Variants in PTPRS observed in about 807,000 individuals in gnomAD.
The protein encoded by PTPRS is receptor-type tyrosine-protein phosphatase S.
In PTPRS, 63 loss-of-function variants were observed where a neutral mutation model predicts 215.3. The observed-to-expected ratio is 0.29, with a 90% CI of 0.24 to 0.36. The LOEUF is 0.36. PTPRS is among the 10% of genes least tolerant of loss of function. The probability of loss-of-function intolerance (pLI) is 1.00; values close to 1 mark genes in which losing one functional copy is unlikely to be tolerated. For synonymous variants in PTPRS, 1,404 were observed against 1,191.4 expected (o/e 1.18, Z -3.68); for missense variants, 2,258 against 2,825.8 (o/e 0.80, Z 4.56).
Position 5,231,456 on chromosome 19 carries a change from T to A in PTPRS, c.2009A>T (p.Glu670Val). 1 of 1,612,688 alleles carries A rather than the reference T, an allele frequency of 6.2e-7. No homozygotes were observed. The highest frequency in any genetic ancestry group is 8.5e-7 in the Non-Finnish European group (1 of 1,179,820). The change falls in exon 14 of 38, where the codon GAG (glutamate) becomes GTG (valine). Residue 670 changes from glutamate (E) to valine (V), a missense_variant. Around this residue, in one of 6 missense-constraint regions of PTPRS, gnomAD observed 371 missense variants for 446.7 expected, o/e 0.83. Coordinates refer to ENST00000262963, the MANE Select transcript of PTPRS (RefSeq NM_002850.4). Reference protein sequence around the residue: ...PLGSEDPEPKEVNGIPPTTTQ... With the variant: ...PLGSEDPEPKVVNGIPPTTTQ... ...GGTGGTCGGGGGGATGCCGTTCACC[T>A]CCTTGGGTTCCGGGTCCTCTGAGCC...
chr19:5,209,443 C>T (rs1263053018), intron 35 of PTPRS, among the ~76,000 whole-genome samples: 1 of 152,158 alleles, frequency 6.6e-6, no homozygotes, highest in African/African-American at 2.4e-5. Flanking sequence ...TGGTGCCATC[C>T]AAAATTGTTA....
intron 1 of PTPRS, among the ~76,000 whole-genome samples, chr19:5,333,170 T>C (rs2050382144): frequency 6.8e-6 from 1 of 146,570 alleles, no homozygotes; most frequent in South Asian, 2.2e-4. Flanking sequence ...AAATAAAAAA[T>C]AAATAAAAAA....
At chr19:5,231,845 G>T (rs1163581464) in intron 13 of PTPRS, among the ~76,000 whole-genome samples, 2 of 152,212 alleles carry the variant, frequency 1.3e-5, no homozygotes, top group African/African-American at 2.4e-5. Context: ...GGCTGGCCAA[G>T]AACCCTGTGC....
At chr19:5,263,226 C>G (rs1464658210) in intron 5 of PTPRS, among the ~76,000 whole-genome samples, 2 of 152,080 alleles carry the variant, frequency 1.3e-5, no homozygotes, top group South Asian at 4.1e-4. Flanking sequence ...GAAACTGAGG[C>G]CACCGCTCCC....
intron 13 of PTPRS, among the ~76,000 whole-genome samples, chr19:5,233,134 C>T (rs192538356): frequency 4.5e-4 from 67 of 149,384 alleles, no homozygotes; most frequent in Non-Finnish European, 3.1e-4. Context: ...GCACCTACTA[C>T]GTGTCAAGCA....
intron 13 of PTPRS, among the ~76,000 whole-genome samples, chr19:5,235,192 G>T (rs531076832): frequency 1.3e-5 from 2 of 152,008 alleles, no homozygotes; most frequent in Admixed American, 1.3e-4. Flanking sequence ...CGCCCACCTC[G>T]GCCTCCCAAA....
In PTPRS at chr19:5,205,663, T is replaced by G. The variant is rs748114924; in HGVS notation, c.*1111A>C. 1.3e-5 allele frequency among the ~76,000 whole-genome samples: 2 copies of G among 151,990 alleles called. No homozygotes were observed. The highest frequency in any genetic ancestry group is 6.6e-5 in the Admixed American group (1 of 15,266). ...AACTCGCTTGCTCAGGGTAGGCGGG[T>G]AGAGGGGGGCCTGTCCTTCTGGTTT... On this transcript the variant is annotated 3_prime_UTR_variant, in exon 38 of 38. Coordinates refer to ENST00000262963, the MANE Select transcript of PTPRS (RefSeq NM_002850.4).
chr19:5,330,163 C>T (rs758739189), intron 1 of PTPRS, among the ~76,000 whole-genome samples: 1 of 152,112 alleles, frequency 6.6e-6, no homozygotes, highest in Non-Finnish European at 1.5e-5. Flanking sequence ...TGATCGTGGG[C>T]CCCCGAGTGA....
At chr19:5,208,160 C>A (rs2040541090) in intron 36 of PTPRS, 77 bp downstream of exon 36, 1 of 1,564,646 alleles carries the variant, frequency 6.4e-7, no homozygotes. Context: ...GATGGGACAG[C>A]CTAAGCTTGG....
At chr19:5,251,451 C>T (rs2045062655) in intron 9 of PTPRS, among the ~76,000 whole-genome samples, 1 of 149,184 alleles carries the variant, frequency 6.7e-6, no homozygotes, top group South Asian at 2.1e-4. Context: ...TTTTTGGTAC[C>T]CGCTCTCTCT....
At chr19:5,229,797 T>C in intron 14 of PTPRS, 113 bp from the exon 15 acceptor site, 1 of 617,342 alleles carries the variant, frequency 1.6e-6, no homozygotes, top group Non-Finnish European at 2.3e-6. Flanking sequence ...TGCCGGTGAA[T>C]AACTGGGCGC....
rs2046945588 is a variant in PTPRS at position 5,271,926 on chromosome 19, T to C, written c.379+1516A>G. Among the ~76,000 whole-genome samples, 3 of 151,894 alleles carry C rather than the reference T, an allele frequency of 2.0e-5. 1 individual carries two copies. Among genetic ancestry groups the C allele is most frequent in the South Asian group, 4.2e-4 (2 of 4,818 alleles). ...TTTTAGTAGAGACGGGCTTTTACCA[T>C]GTTGGCCAGGCTGGTCTTGAACTCC... On this transcript the variant is annotated intron_variant, in intron 4 of 37. Transcript: ENST00000262963.
intron 33 of PTPRS, 80 bp downstream of exon 33, chr19:5,211,508 GTC>G (rs759140443): frequency 1.4e-6 from 2 of 1,417,398 alleles, no homozygotes; most frequent in East Asian, 2.4e-5. Context: ...CCCCAGCTCT[GTC>G]TCCCACAAGA....
At chr19:5,326,874 T>G (rs2050183537) in intron 1 of PTPRS, among the ~76,000 whole-genome samples, 2 of 150,414 alleles carry the variant, frequency 1.3e-5, no homozygotes, top group Admixed American at 6.6e-5. Flanking sequence ...AAAGAAGGAA[T>G]GAAGCAAGCA....
chr19:5,289,497 C>T (rs1410299594), intron 1 of PTPRS, among the ~76,000 whole-genome samples: 1 of 152,186 alleles, frequency 6.6e-6, no homozygotes, highest in Non-Finnish European at 1.5e-5. Context: ...ATGGCTCCCA[C>T]CTGCCTCGGG....
chr19:5,274,541 C>G (rs1390895261), intron 2 of PTPRS, among the ~76,000 whole-genome samples, 197 bp from the exon 3 acceptor site: 2 of 152,236 alleles, frequency 1.3e-5, no homozygotes, highest in African/African-American at 4.8e-5. Context: ...CATGGGCACC[C>G]AGGTGCCCAC....
rs1390669494 is a variant in PTPRS at position 5,273,468 on chromosome 19, A to G, written c.353T>C (p.Val118Ala). 6.2e-7 allele frequency: 1 copy of G among 1,614,180 alleles called. No homozygotes were observed. The highest frequency in any genetic ancestry group is 8.5e-7 in the Non-Finnish European group (1 of 1,180,036). ...VAQNSVGEIT[V>A]HAKLTVLRED... is the part of the protein sequence containing the mutation. ...TCGGAGGACAGTAAGCTTGGCATGGACTGTGATCTCCCCAACCGAGTTCTG... is the reference window on the plus strand; with the variant it reads ...TCGGAGGACAGTAAGCTTGGCATGGGCTGTGATCTCCCCAACCGAGTTCTG... Residue 118 changes from valine to alanine, a missense_variant, in exon 4 of 38, where the codon GTC (valine) becomes GCC (alanine). Around this residue, in one of 6 missense-constraint regions of PTPRS, gnomAD observed 508 missense variants for 799.4 expected, o/e 0.64. Transcript: ENST00000262963.
rs544996943 is a variant in PTPRS at position 5,254,502 on chromosome 19, G to A, written c.718+1606C>T. On this transcript the variant is annotated intron_variant, in intron 9 of 37. Transcript: ENST00000262963. ...GGAGGGGAGCAGAAGATGGGGGTGT[G>A]CATCTCTGAAGATTTGCAAGAGTGA... is the stretch of plus-strand genomic sequence containing the variant. Among the ~76,000 whole-genome samples the A allele has an allele frequency of 2.0e-5, 3 of 152,240 alleles. No individual in the cohort carries two copies. In the South Asian group the frequency reaches 6.2e-4, roughly 32 times the overall value.
chr19:5,291,094 G>C (rs1004885755), intron 1 of PTPRS, among the ~76,000 whole-genome samples: 1 of 152,048 alleles, frequency 6.6e-6, no homozygotes. Context: ...GAAGTCCGGG[G>C]ACCTGGCTTT....
Sources: gnomAD v4.1 joint callset for allele counts (sites outside exome capture counted in the v4.1 genomes callset) on GRCh38, gnomAD v4.1.1 for gene constraint, gnomAD v4.1.1 regional missense constraint, MANE v1.5 for transcripts, NCBI Gene and HGNC (gene_info 2026-07-23, HGNC 2026-07-21) for gene names.